The following NELL2 variants were observed in gnomAD, a reference collection of about 807,000 sequenced individuals.
The protein encoded by NELL2 is protein kinase C-binding protein NELL2.
Under a neutral mutation model 109.6 loss-of-function variants are expected in NELL2, and 41 were observed. That is an observed-to-expected ratio of 0.37 (90% confidence interval 0.29 to 0.49). NELL2 has a LOEUF of 0.49. Ranked by LOEUF, NELL2 falls within the 20% of genes least tolerant of loss-of-function variation. The pLI is 0.98. For missense variants in NELL2, 900 were observed against 1,008.3 expected (o/e 0.89, Z 1.45); for synonymous variants, 355 against 344.7 (o/e 1.03, Z -0.33).
At chr12:44,726,139 A>T (rs1455938808) in intron 9 of NELL2, among the ~76,000 whole-genome samples, 2 of 152,216 alleles carry the variant, frequency 1.3e-5, no homozygotes, top group Non-Finnish European at 2.9e-5. Flanking sequence ...AAAAAATAAC[A>T]GTAGATATAC....
At chr12:44,846,570 A>G (rs1944376839) in intron 2 of NELL2, among the ~76,000 whole-genome samples, 1 of 152,238 alleles carries the variant, frequency 6.6e-6, no homozygotes, top group South Asian at 2.1e-4. Context: ...GAAGTAGCTC[A>G]GGTTCTAGGT....
chr12:44,789,224 C>G (rs535006068), intron 3 of NELL2, among the ~76,000 whole-genome samples: 1 of 152,280 alleles, frequency 6.6e-6, no homozygotes, highest in African/African-American at 2.4e-5. Flanking sequence ...AGCTAAGAAT[C>G]CTCACTGCCA....
intron 13 of NELL2, among the ~76,000 whole-genome samples, chr12:44,658,895 A>AAAAAG (rs1566104162): frequency 6.6e-6 from 1 of 150,628 alleles, no homozygotes; most frequent in African/African-American, 2.4e-5. Context: ...AAAAAAAAAA[A>AAAAAG]AAAAGAAAAG....
intron 9 of NELL2, among the ~76,000 whole-genome samples, chr12:44,723,759 C>G (rs577442362): frequency 6.6e-6 from 1 of 152,036 alleles, no homozygotes; most frequent in East Asian, 1.9e-4. Context: ...TTTCAGGGTA[C>G]CTTTTTTAAG....
At chr12:44,573,414 T>C (rs1943946522) in intron 15 of NELL2, among the ~76,000 whole-genome samples, 1 of 152,054 alleles carries the variant, frequency 6.6e-6, no homozygotes, top group Admixed American at 6.5e-5. Context: ...TAGGAGAAAG[T>C]GTAACTCCAA....
chr12:44,738,467 T>C (rs1015467246), intron 9 of NELL2, among the ~76,000 whole-genome samples: 13 of 150,120 alleles, frequency 8.7e-5, no homozygotes, highest in Middle Eastern at 3.4e-3. Context: ...CAATGGAATA[T>C]TATTTATCTT....
intron 13 of NELL2, among the ~76,000 whole-genome samples, chr12:44,617,559 G>A (rs1214313939): frequency 7.4e-6 from 1 of 134,656 alleles, no homozygotes; most frequent in Non-Finnish European, 1.5e-5. Flanking sequence ...GGGCGTAGTG[G>A]CGGGCGCCTG....
At chr12:44,565,703 T>C (rs924208634) in intron 15 of NELL2, among the ~76,000 whole-genome samples, 2 of 152,182 alleles carry the variant, frequency 1.3e-5, no homozygotes, top group East Asian at 3.9e-4. Context: ...TAATTTTAAA[T>C]GTCTCTGGGC....
At chr12:44,807,309 C>T (rs1421028606) in intron 3 of NELL2, among the ~76,000 whole-genome samples, 4 of 135,970 alleles carry the variant, frequency 2.9e-5, no homozygotes, top group Admixed American at 8.1e-5. Context: ...GGAATTTATA[C>T]ATTTGATGGA....
chr12:44,595,958 T>C (rs1264948122), intron 15 of NELL2, among the ~76,000 whole-genome samples: 1 of 152,200 alleles, frequency 6.6e-6, no homozygotes, highest in Non-Finnish European at 1.5e-5. Flanking sequence ...CCCTGTAAAT[T>C]ACAACTATTG....
chr12:44,603,464 A>G (rs1425523538), intron 15 of NELL2, among the ~76,000 whole-genome samples: 1 of 152,178 alleles, frequency 6.6e-6, no homozygotes. Context: ...GCTGAGGTTT[A>G]GCAATTGTGT....
intron 3 of NELL2, among the ~76,000 whole-genome samples, chr12:44,791,958 CA>C (rs35671413): frequency 0.53 from 76,551 of 145,222 alleles, 19,879 homozygotes; most frequent in Middle Eastern, 0.57. Flanking sequence ...TTATTACAGA[CA>C]AAAAAAAAAA....
At chr12:44,700,941 A>C (rs1949209722) in intron 12 of NELL2, among the ~76,000 whole-genome samples, 1 of 152,120 alleles carries the variant, frequency 6.6e-6, no homozygotes, top group South Asian at 2.1e-4. Flanking sequence ...TATTAGTAAA[A>C]ATCAATAGTC....
At chr12:44,773,337 G>C (rs745849825) in intron 9 of NELL2, among the ~76,000 whole-genome samples, 1 of 152,078 alleles carries the variant, frequency 6.6e-6, no homozygotes, top group Non-Finnish European at 1.5e-5. Context: ...TTAGCCCGGC[G>C]TAGTGGCAGG....
intron 9 of NELL2, among the ~76,000 whole-genome samples, chr12:44,761,356 G>A (rs925496923): frequency 6.6e-6 from 1 of 151,990 alleles, no homozygotes; most frequent in African/African-American, 2.4e-5. Context: ...CAACAAGAGC[G>A]AAACTCCGTC....
At chr12:44,711,182 T>C (rs1938177393) in intron 11 of NELL2, 110 bp downstream of exon 11, 1 of 751,032 alleles carries the variant, frequency 1.3e-6, no homozygotes, top group African/African-American at 1.7e-5. Flanking sequence ...AGGGAAATAC[T>C]ATTAGTCTAT....
chr12:44,555,386 T>C (rs934855660), intron 15 of NELL2, among the ~76,000 whole-genome samples: 2 of 152,208 alleles, frequency 1.3e-5, no homozygotes, highest in African/African-American at 4.8e-5. Context: ...GTCATGCTCC[T>C]AGAGTAGGGA....
At chr12:44,606,262 C>T (rs1945398150) in intron 15 of NELL2, among the ~76,000 whole-genome samples, 1 of 152,150 alleles carries the variant, frequency 6.6e-6, no homozygotes, top group South Asian at 2.1e-4. Context: ...TTCTGTCTCA[C>T]ATTCTGGTAA....
At chr12:44,687,869 A>G (rs1369108293) in intron 12 of NELL2, among the ~76,000 whole-genome samples, 1 of 152,178 alleles carries the variant, frequency 6.6e-6, no homozygotes, top group African/African-American at 2.4e-5. Context: ...ATTCCTTTCC[A>G]GGGAGGCAAT....
Sources: allele counts gnomAD v4.1 joint callset (sites outside exome capture counted in the v4.1 genomes callset), GRCh38; gene constraint gnomAD v4.1.1; transcripts MANE v1.5; gene names NCBI Gene and HGNC (gene_info 2026-07-23, HGNC 2026-07-21).